The following GCG variants were observed in gnomAD, a reference collection of about 807,000 sequenced individuals.
GCG encodes the protein pro-glucagon.
In GCG, 11 loss-of-function variants were observed where a neutral mutation model predicts 22.8. That is an observed-to-expected ratio of 0.48 (90% CI 0.30 to 0.80). The LOEUF (loss-of-function observed/expected upper bound fraction) is 0.80. Among genes scored for constraint, GCG ranks in the 30% least tolerant of loss-of-function variants. The pLI, the probability that GCG is intolerant of heterozygous loss-of-function variation, is 0.06. For synonymous variants in GCG, 89 were observed against 72.4 expected, an observed-to-expected ratio of 1.23 and a Z score of -1.16; for missense variants, 222 against 222.0, an observed-to-expected ratio of 1.00 and a Z score of 0.00.
intron 1 of GCG, among the ~76,000 whole-genome samples, chr2:162,149,651 T>C (rs777438528): frequency 2.6e-5 from 4 of 152,132 alleles, no homozygotes; most frequent in Non-Finnish European, 4.4e-5. Flanking sequence ...ATTTCAACCA[T>C]CTTAAAGCAG....
In GCG at chr2:162,143,351, A is replaced by C; in HGVS notation, c.*13T>G. 2 of 1,231,668 alleles carry C rather than the reference A, an allele frequency of 1.6e-6. No individual in the cohort carries two copies. Among genetic ancestry groups the C allele is most frequent in the East Asian group, 2.6e-5 (1 of 38,700 alleles). The allele number at this position is 1,231,668 out of a possible 1,614,324, so 76.3% of individuals were successfully genotyped here. A position where few individuals can be genotyped will look rare whatever the true frequency, so the allele number is the denominator to read the frequency against. On this transcript the variant is annotated 3_prime_UTR_variant, in exon 6 of 6. Coordinates refer to ENST00000418842, the MANE Select transcript of GCG (RefSeq NM_002054.5). ...AGGTGATGTTGTGAAGATGATCTTGAATAGTGATATAGTTATTTCCTAGAG... is the reference window on the plus strand; with the variant it reads ...AGGTGATGTTGTGAAGATGATCTTGCATAGTGATATAGTTATTTCCTAGAG...
intron 1 of GCG, among the ~76,000 whole-genome samples, chr2:162,150,344 A>G (rs1015278745): frequency 3.3e-5 from 5 of 152,186 alleles, no homozygotes; most frequent in African/African-American, 1.2e-4. Flanking sequence ...GATTTCACAA[A>G]TATTATCATT....
chr2:162,151,790 G>C (rs1186104035), intron 1 of GCG, among the ~76,000 whole-genome samples: 1 of 152,094 alleles, frequency 6.6e-6, no homozygotes, highest in East Asian at 1.9e-4. Flanking sequence ...GACGCCTTCT[G>C]TTCAAAGTAG....
chr2:162,145,601 A>T lies in GCG; in HGVS notation c.331T>A (p.Leu111Met), dbSNP rs763101459. ...AATTCCTTGGCAGCTTGGCCTTCCA[A>T]ATAAGAACTTACATCACTGGTAAAG... ...GTFTSDVSSY[L>M]EGQAAKEFIA... The change falls in exon 4 of 6, where the codon TTG (leucine) becomes ATG (methionine). Residue 111 changes from leucine to methionine, a missense_variant. By Grantham distance (15) the Leu-to-Met change is conservative. Coordinates refer to ENST00000418842, the MANE Select transcript of GCG (RefSeq NM_002054.5). 6.2e-7 allele frequency: 1 copy of T among 1,612,412 alleles called. No individual in the cohort carries two copies. The highest frequency in any genetic ancestry group is 1.7e-5 in the Admixed American group (1 of 59,876).
At chr2:162,144,988 G>GT (rs1686644769) in intron 4 of GCG, 1 of 151,996 alleles carries the variant, frequency 6.6e-6, no homozygotes, top group East Asian at 1.9e-4. Flanking sequence ...ATATATGGAT[G>GT]TTTTTACCTA....
rs565328289 is a variant in GCG, at chr2:162,145,039, G to C, written c.392+501C>G. The C allele has an allele frequency of 1.3e-4, 19 of 151,926 alleles. No homozygotes were observed. In the South Asian group the frequency reaches 3.5e-3, roughly 28 times the overall value. 9.4% of individuals were successfully genotyped at this position (151,926 alleles called of 1,614,324 possible). The stretch of plus-strand genomic sequence containing the variant: ...TCATTTTATCAACATCTTAGGTTTG[G>C]TCACTTTCAGTCTTCATCACATTTT... On this transcript the variant is annotated intron_variant, in intron 4 of 5. Coordinates refer to ENST00000418842, the MANE Select transcript of GCG (RefSeq NM_002054.5).
intron 1 of GCG, among the ~76,000 whole-genome samples, chr2:162,150,628 T>A (rs1686810352): frequency 6.6e-6 from 1 of 152,156 alleles, no homozygotes; most frequent in South Asian, 2.1e-4. Flanking sequence ...TTAGGTAGTA[T>A]CTACTGATTA....
chr2:162,148,454 T>C (rs1686750066), intron 2 of GCG, among the ~76,000 whole-genome samples: 1 of 152,088 alleles, frequency 6.6e-6, no homozygotes, highest in Non-Finnish European at 1.5e-5. Flanking sequence ...TGAAACAGTA[T>C]GCTGCCATTA....
chr2:162,143,999 T>C (rs1438086408), intron 5 of GCG, 28 bp downstream of exon 5: 4 of 1,604,652 alleles, frequency 2.5e-6, no homozygotes, highest in Non-Finnish European at 3.4e-6. Flanking sequence ...AATTTGATGG[T>C]TTTCAGAATT....
At chr2:162,144,997 T>A (rs1686645809) in intron 4 of GCG, 2 of 152,122 alleles carry the variant, frequency 1.3e-5, no homozygotes, top group South Asian at 4.1e-4. Flanking sequence ...TGTTTTTACC[T>A]ATTTGTACTT....
rs1268831729 is a variant in GCG at position 162,143,037 on chromosome 2, C to T, written c.*327G>A. ...TTATTATAATGCAGATATGTCAGAT[C>T]GGAATAATTTACATTTACAAATTAT... On this transcript the variant is annotated 3_prime_UTR_variant, in exon 6 of 6. Transcript: ENST00000418842. The T allele has an allele frequency of 9.7e-6, 2 of 205,716 alleles. No individual in the cohort carries two copies. Among genetic ancestry groups the T allele is most frequent in the African/African-American group, 2.3e-5 (1 of 43,458 alleles). 12.7% of individuals were successfully genotyped at this position (205,716 alleles called of 1,614,324 possible).
chr2:162,151,303 C>T (rs1342410727), intron 1 of GCG, among the ~76,000 whole-genome samples: 1 of 151,992 alleles, frequency 6.6e-6, no homozygotes, highest in Non-Finnish European at 1.5e-5. Flanking sequence ...CATTGTAGTC[C>T]ATATAAATCC....
At chr2:162,144,406 A>G in intron 4 of GCG, 1 of 488,810 alleles carries the variant, frequency 2.0e-6, no homozygotes, top group Non-Finnish European at 3.7e-6. Flanking sequence ...TGCCCTTTTC[A>G]ATCTTCTAGG....
intron 5 of GCG, 39 bp downstream of exon 5, chr2:162,143,988 G>A (rs746207015): frequency 6.3e-7 from 1 of 1,584,278 alleles, no homozygotes; most frequent in Admixed American, 1.7e-5. Flanking sequence ...GTACTTATGA[G>A]AATTTGATGG....
At chr2:162,149,049 C>A (rs1444059940) in intron 2 of GCG, 38 bp downstream of exon 2, 2 of 1,208,412 alleles carry the variant, frequency 1.7e-6, no homozygotes, top group East Asian at 4.7e-5. Flanking sequence ...TTATTCCAAC[C>A]ATATTGATAT....
intron 3 of GCG, among the ~76,000 whole-genome samples, chr2:162,147,002 T>C (rs556649651): frequency 1.4e-4 from 22 of 152,262 alleles, no homozygotes; most frequent in African/African-American, 5.3e-4. Flanking sequence ...GAATGTTATA[T>C]TTGCTCTATC....
rs764511476 is a variant in GCG at position 162,147,330 on chromosome 2, T to C, written c.254+23A>G. ...TATTTAATACATTTATAAGCAAGTT[T>C]TGAGCCAGGCTTAGACTCTTACCTG... On this transcript the variant is annotated intron_variant, in intron 3 of 5. Transcript: ENST00000418842. 14 of 1,587,128 alleles carry C rather than the reference T, an allele frequency of 8.8e-6. No individual in the cohort carries two copies. The Admixed American group carries it at 2.3e-4, about 26-fold the overall frequency.
At chr2:162,151,235 A>G (rs1379880888) in intron 1 of GCG, among the ~76,000 whole-genome samples, 1 of 152,132 alleles carries the variant, frequency 6.6e-6, no homozygotes, top group African/African-American at 2.4e-5. Context: ...AGTCTTACAG[A>G]AAGATTAACC....
chr2:162,150,883 A>C (rs1416805906), intron 1 of GCG, among the ~76,000 whole-genome samples: 1 of 152,114 alleles, frequency 6.6e-6, no homozygotes, highest in Non-Finnish European at 1.5e-5. Context: ...AAGAAAGAAC[A>C]ACCATAAACC....
Sources: gnomAD v4.1 joint callset for allele counts (sites outside exome capture counted in the v4.1 genomes callset) on GRCh38, gnomAD v4.1.1 for gene constraint, MANE v1.5 for transcripts, NCBI Gene and HGNC (gene_info 2026-07-23, HGNC 2026-07-21) for gene names.